Variants in NELL1 observed in about 807,000 individuals in gnomAD.
NELL1 encodes neural EGFL like 1.
NELL1 carries 76 observed loss-of-function variants against 107.4 expected under a neutral mutation model. The ratio of observed to expected loss-of-function variants is 0.71; its 90% CI spans 0.59 to 0.86. NELL1 has a LOEUF of 0.86. NELL1 is among the 40% of genes least tolerant of loss of function. The probability of loss-of-function intolerance (pLI) is 0.00; values close to 1 mark genes in which losing one functional copy is unlikely to be tolerated. For synonymous variants in NELL1, 353 were observed against 341.2 expected (o/e 1.03, Z -0.38); for missense variants, 1,024 against 1,005.5 (o/e 1.02, Z -0.25).
intron 15 of NELL1, among the ~76,000 whole-genome samples, chr11:21,467,599 A>G (rs184608495): frequency 0.014 from 2,193 of 152,182 alleles, 56 homozygotes; most frequent in African/African-American, 0.05. Context: ...AGCCATGCTC[A>G]GCCTTTTACA....
intron 12 of NELL1, among the ~76,000 whole-genome samples, chr11:20,964,399 G>A (rs1322375859): frequency 6.6e-6 from 1 of 152,180 alleles, no homozygotes; most frequent in African/African-American, 2.4e-5. Context: ...TCTGTCAGGT[G>A]TGGAAAGCAC....
intron 4 of NELL1, among the ~76,000 whole-genome samples, chr11:20,852,079 A>G (rs1848805311): frequency 6.6e-6 from 1 of 152,284 alleles, no homozygotes; most frequent in East Asian, 1.9e-4. Context: ...CGGCATCCCT[A>G]CCCTGTGTTA....
intron 12 of NELL1, among the ~76,000 whole-genome samples, chr11:20,976,572 A>C (rs1437794978): frequency 6.6e-6 from 1 of 152,312 alleles, no homozygotes; most frequent in East Asian, 1.9e-4. Flanking sequence ...TGTTTAGAAC[A>C]TTTTACATAC....
chr11:21,527,467 G>A (rs985040883), intron 15 of NELL1, among the ~76,000 whole-genome samples: 2 of 151,928 alleles, frequency 1.3e-5, no homozygotes, highest in African/African-American at 2.4e-5. Context: ...CACATTTCTG[G>A]GCACCTTTAC....
intron 13 of NELL1, among the ~76,000 whole-genome samples, chr11:21,195,373 T>C (rs1161671226): frequency 6.6e-6 from 1 of 152,164 alleles, no homozygotes; most frequent in Non-Finnish European, 1.5e-5. Context: ...GGGCAACCAC[T>C]ATCAGAAAAT....
intron 14 of NELL1, chr11:21,260,898 T>C (rs1848516595): frequency 2.6e-5 from 4 of 151,928 alleles, no homozygotes. Flanking sequence ...TCATTTTTCC[T>C]TTAGAAGACA....
At chr11:20,977,366 AC>A (rs1482454590) in intron 12 of NELL1, among the ~76,000 whole-genome samples, 1 of 150,356 alleles carries the variant, frequency 6.7e-6, no homozygotes, top group Non-Finnish European at 1.5e-5. Flanking sequence ...TCGGGTTCAC[AC>A]CATTCTCCTG....
chr11:20,871,680 G>A (rs1431932289), intron 4 of NELL1, among the ~76,000 whole-genome samples: 1 of 151,952 alleles, frequency 6.6e-6, no homozygotes, highest in East Asian at 1.9e-4. Context: ...GTCCTGCAGA[G>A]GAAAATCCCC....
chr11:20,897,530 C>T (rs1849768464), intron 5 of NELL1, among the ~76,000 whole-genome samples: 1 of 152,142 alleles, frequency 6.6e-6, no homozygotes, highest in Non-Finnish European at 1.5e-5. Context: ...GTCTAAAACA[C>T]CAAAAGCAAT....
intron 14 of NELL1, among the ~76,000 whole-genome samples, chr11:21,338,933 G>A (rs1011810026): frequency 1.3e-5 from 2 of 152,052 alleles, no homozygotes; most frequent in African/African-American, 2.4e-5. Context: ...ATGGAGAAGG[G>A]TCCACCTATA....
At chr11:21,451,643 T>G (rs1853589477) in intron 15 of NELL1, among the ~76,000 whole-genome samples, 1 of 152,344 alleles carries the variant, frequency 6.6e-6, no homozygotes, top group African/African-American at 2.4e-5. Context: ...ATTTATTAAA[T>G]GTAGACTGAT....
At chr11:21,179,039 A>C (rs548491911) in intron 13 of NELL1, among the ~76,000 whole-genome samples, 1 of 151,836 alleles carries the variant, frequency 6.6e-6, no homozygotes, top group South Asian at 2.1e-4. Flanking sequence ...TTTTCGAATG[A>C]CCTCGGTTCT....
intron 11 of NELL1, among the ~76,000 whole-genome samples, chr11:20,949,945 CT>C (rs1289318617): frequency 6.6e-6 from 1 of 152,168 alleles, no homozygotes; most frequent in Non-Finnish European, 1.5e-5. Flanking sequence ...TAATAGTTTT[CT>C]TTGGAGGTAT....
At chr11:20,835,302 G>A (rs891748135) in intron 3 of NELL1, among the ~76,000 whole-genome samples, 1 of 152,104 alleles carries the variant, frequency 6.6e-6, no homozygotes, top group African/African-American at 2.4e-5. Flanking sequence ...TTGACAAGAG[G>A]CATACTTTGT....
chr11:21,076,972 G>T (rs1854151199), intron 12 of NELL1, among the ~76,000 whole-genome samples: 1 of 152,008 alleles, frequency 6.6e-6, no homozygotes, highest in Non-Finnish European at 1.5e-5. Context: ...AGAACCACGA[G>T]CCAAATAAAC....
chr11:21,204,105 G>A (rs776958485), intron 13 of NELL1, among the ~76,000 whole-genome samples: 13 of 152,118 alleles, frequency 8.5e-5, no homozygotes, highest in African/African-American at 2.2e-4. Flanking sequence ...TGCTCTTCTC[G>A]AAGAGTATTT....
At chr11:21,353,346 A>G (rs1311580888) in intron 14 of NELL1, among the ~76,000 whole-genome samples, 3 of 152,204 alleles carry the variant, frequency 2.0e-5, no homozygotes, top group African/African-American at 4.8e-5. Flanking sequence ...CCCAACTTGA[A>G]GAAGAGGTAT....
At chr11:20,723,796 C>G (rs1029605358) in intron 2 of NELL1, among the ~76,000 whole-genome samples, 2 of 152,200 alleles carry the variant, frequency 1.3e-5, no homozygotes, top group African/African-American at 4.8e-5. Flanking sequence ...TCCGTGAGGG[C>G]TCTGCCCCTG....
intron 3 of NELL1, among the ~76,000 whole-genome samples, chr11:20,798,091 C>T (rs903207805): frequency 3.9e-5 from 6 of 151,960 alleles, no homozygotes; most frequent in African/African-American, 1.2e-4. Context: ...TTCAAGGAAA[C>T]GTTTAAAGGA....
Sources: allele counts gnomAD v4.1 joint callset (sites outside exome capture counted in the v4.1 genomes callset), GRCh38; gene constraint gnomAD v4.1.1; transcripts MANE v1.5; gene names NCBI Gene and HGNC (gene_info 2026-07-23, HGNC 2026-07-21).